The following SCRIB variants were observed in gnomAD, a reference collection of about 807,000 sequenced individuals.
The protein encoded by SCRIB is protein scribble homolog.
SCRIB carries 72 observed loss-of-function variants against 170.0 expected under a neutral mutation model. The observed-to-expected ratio is 0.42, with a 90% CI of 0.35 to 0.52. The LOEUF is 0.52. Ranked by LOEUF, SCRIB falls within the 20% of genes least tolerant of loss-of-function variation. SCRIB has a pLI of 0.02. For missense variants in SCRIB, 2,475 were observed against 2,338.5 expected (o/e 1.06, Z -1.20); for synonymous variants, 1,298 against 1,044.3 (o/e 1.24, Z -4.68).
intron 24 of SCRIB, among the ~76,000 whole-genome samples, chr8:143,797,930 C>G (rs1325674761): frequency 1.3e-5 from 2 of 152,220 alleles, no homozygotes; most frequent in African/African-American, 4.8e-5. Flanking sequence ...CAACTTTTCT[C>G]TAAGTTTAAA....
chr8:143,794,932 C>T (rs1814874502), intron 27 of SCRIB, 106 bp downstream of exon 27: 1 of 1,139,260 alleles, frequency 8.8e-7, no homozygotes, highest in Non-Finnish European at 1.3e-6. Context: ...CCACCCCAGC[C>T]CCCGCCCAAA....
rs745922541 is a variant in SCRIB, at chr8:143,808,835, TGCA to T, written c.1886_1888del (p.Leu629del). The stretch of plus-strand genomic sequence containing the variant: ...GCCCTCCCCATCAGGCTGCATGCCC[TGCA>T]GCAGAGCCACAACGGCCTCGGGCTG... On this transcript the variant is annotated inframe_deletion, in exon 15 of 37. Coordinates refer to ENST00000356994, the MANE Select transcript of SCRIB (RefSeq NM_182706.5). The T allele has an allele frequency of 5.6e-6, 9 of 1,611,510 alleles. No homozygotes were observed. The highest frequency in any genetic ancestry group is 7.6e-6 in the Non-Finnish European group (9 of 1,179,830).
At chr8:143,806,624 T>C in intron 17 of SCRIB, 140 bp from the exon 18 acceptor site, 1 of 704,512 alleles carries the variant, frequency 1.4e-6, no homozygotes, top group South Asian at 1.8e-5. Context: ...CTCTAGCCAC[T>C]GTGGGATCCT....
In SCRIB at chr8:143,803,453, C is replaced by A. The variant is rs782414337; in HGVS notation, c.3533G>T (p.Arg1178Leu). The change falls in exon 24 of 37, where the codon CGC (arginine) becomes CTC (leucine). Residue 1178 changes from arginine (R) to leucine (L), a missense_variant. Arg to Leu is a moderately radical substitution (Grantham distance 102). Transcript: ENST00000356994. The stretch of plus-strand genomic sequence containing the variant: ...CACGGTGAGGGTGTCGCCCACACTG[C>A]GGAGCAGCTGCACCGCCTCGCCGTG... ...LTHGEAVQLL[R>L]SVGDTLTVLV... The A allele has an allele frequency of 2.5e-6, 4 of 1,597,602 alleles. No homozygotes were observed. The highest frequency in any genetic ancestry group is 3.4e-6 in the Non-Finnish European group (4 of 1,178,170).
chr8:143,795,088 G>A lies in SCRIB; in HGVS notation c.3796C>T (p.Leu1266=), dbSNP rs782437686. 1.2e-6 allele frequency: 2 copies of A among 1,611,432 alleles called. No individual in the cohort carries two copies. Among genetic ancestry groups the A allele is most frequent in the Non-Finnish European group, 8.5e-7 (1 of 1,179,312 alleles). The change falls in exon 27 of 37, where the codon CTG becomes TTG. Residue 1266 remains leucine (L), a synonymous_variant. Coordinates refer to ENST00000356994, the MANE Select transcript of SCRIB (RefSeq NM_182706.5). ...ACGGCGGCCAGGGCGCGGTAGTCCA[G>A]CTTCAGGGGCTGCAGACCCCGACCC... ...AAGRGLQPLK[L]DYRALAAVPS... is the part of the protein sequence containing the mutation.
At chr8:143,802,132 G>A (rs1554635085) in intron 24 of SCRIB, among the ~76,000 whole-genome samples, 1 of 152,246 alleles carries the variant, frequency 6.6e-6, no homozygotes, top group African/African-American at 2.4e-5. Flanking sequence ...AGATGGTCCA[G>A]AGCTCGAGTC....
Position 143,815,357 on chromosome 8 carries a change from G to C in SCRIB, c.16C>G (p.Pro6Ala), listed in dbSNP as rs1423345583. 1.5e-5 allele frequency: 23 copies of C among 1,530,926 alleles called. No homozygotes were observed. Among genetic ancestry groups the C allele is most frequent in the Non-Finnish European group, 2.0e-5 (23 of 1,138,260 alleles). The allele number at this position is 1,530,926 out of a possible 1,614,324, so 94.8% of individuals were successfully genotyped here. The change falls in exon 1 of 37, where the codon CCG becomes GCG. Residue 6 changes from proline to alanine, a missense_variant. This residue lies in a region of SCRIB where 487 missense variants were observed against 558.1 expected (regional missense o/e 0.87). Coordinates refer to ENST00000356994, the MANE Select transcript of SCRIB (RefSeq NM_182706.5). ...ACGTGCCGGTTGCAGCGCCACAGCGGGATGCACTTGAGCATGGTGCGGGTG... is the reference window on the plus strand; with the variant it reads ...ACGTGCCGGTTGCAGCGCCACAGCGCGATGCACTTGAGCATGGTGCGGGTG... MLKCI[P>A]LWRCNRHVES... is the part of the protein sequence containing the mutation.
rs768999411 is a variant in SCRIB at position 143,813,096 on chromosome 8, A to G, written c.576T>C (p.Thr192=). Residue 192 remains threonine (T), a synonymous_variant, in exon 7 of 37, where the codon ACT becomes ACC. Transcript: ENST00000356994. ...CCCGAAGATTGGGCAGAGCCCCCAG[A>G]GTGTCTGGCTGCAAGAAGGAACAGA... The part of the protein sequence containing the change: ...GGNDLEVLPD[T]LGALPNLREL... The G allele has an allele frequency of 1.3e-6, 2 of 1,578,220 alleles. No individual in the cohort carries two copies. Among genetic ancestry groups the G allele is most frequent in the Admixed American group, 3.7e-5 (2 of 53,730 alleles).
Position 143,795,508 on chromosome 8 carries a change from T to C in SCRIB, c.3626A>G (p.Asn1209Ser). 1 of 1,612,338 alleles carries C rather than the reference T, an allele frequency of 6.2e-7. No individual in the cohort carries two copies. Among genetic ancestry groups the C allele is most frequent in the African/African-American group, 1.3e-5 (1 of 74,764 alleles). The change falls in exon 25 of 37, where the codon AAC becomes AGC. Residue 1209 changes from asparagine to serine, a missense_variant. Transcript: ENST00000356994. ...GTGGCCGATGCCTGCCGCAAAGGGG[T>C]TGGCAATGACACCTGGGGACACCTG... ...ALEVSPGVIA[N>S]PFAAGIGHRN... is the part of the protein sequence containing the mutation.
Position 143,811,071 on chromosome 8 carries a change from G to A in SCRIB, c.1108C>T (p.Leu370=), listed in dbSNP as rs1318308647. Residue 370 remains leucine, a splice_region_variant and synonymous_variant, in exon 11 of 37, where the codon CTG becomes TTG. Transcript: ENST00000356994. The part of the protein sequence containing the change: ...LHVLDVAGNR[L]QSLPFALTHL... ...GTGAGCGCGAACGGCAGACTCTGCA[G>A]GCTGCGGGCCGGGCGGGCACAGTCA... 1.9e-6 allele frequency: 3 copies of A among 1,611,172 alleles called. No individual in the cohort carries two copies. Among genetic ancestry groups the A allele is most frequent in the South Asian group, 2.2e-5 (2 of 90,840 alleles).
rs1815290934 is a variant in SCRIB at position 143,803,956 on chromosome 8, G to A, written c.3121-16C>T. Reference sequence around the variant, plus strand: ...GCGGGAGCACCTGTCAGGGAGGAGGGTGGCAGCTGGTGGCTGAGGCCGCGC... The same window carrying A: ...GCGGGAGCACCTGTCAGGGAGGAGGATGGCAGCTGGTGGCTGAGGCCGCGC... On this transcript the variant is annotated splice_polypyrimidine_tract_variant and intron_variant, in intron 22 of 36. Coordinates refer to ENST00000356994, the MANE Select transcript of SCRIB (RefSeq NM_182706.5). 1.9e-6 allele frequency: 3 copies of A among 1,571,824 alleles called. No individual in the cohort carries two copies. Among genetic ancestry groups the A allele is most frequent in the Admixed American group, 1.9e-5 (1 of 53,916 alleles).
intron 14 of SCRIB, 139 bp from the exon 15 acceptor site, chr8:143,809,164 G>A (rs1815585256): frequency 2.6e-6 from 3 of 1,158,356 alleles, no homozygotes; most frequent in Non-Finnish European, 3.6e-6. Context: ...TGCCCAGTGA[G>A]GGGCGCGTGT....
intron 24 of SCRIB, among the ~76,000 whole-genome samples, chr8:143,796,867 G>A (rs943611883): frequency 6.6e-6 from 1 of 152,192 alleles, no homozygotes; most frequent in Non-Finnish European, 1.5e-5. Flanking sequence ...AGAGAGAGCT[G>A]TTCAAACACA....
rs377531130 is a variant in SCRIB at position 143,795,076 on chromosome 8, C to T, written c.3808G>A (p.Ala1270Thr). The change falls in exon 27 of 37, where the codon GCC (alanine) becomes ACC (threonine). Residue 1270 changes from alanine to threonine, a missense_variant. Around this residue, in one of 3 missense-constraint regions of SCRIB, gnomAD observed 1,966 missense variants for 1,742.9 expected, o/e 1.13. Coordinates refer to ENST00000356994, the MANE Select transcript of SCRIB (RefSeq NM_182706.5). ...CCAGCGCTGGGCACGGCGGCCAGGG[C>T]GCGGTAGTCCAGCTTCAGGGGCTGC... is the stretch of plus-strand genomic sequence containing the variant. ...GLQPLKLDYR[A>T]LAAVPSAGSV... 12 of 1,611,142 alleles carry T rather than the reference C, an allele frequency of 7.4e-6. No individual in the cohort carries two copies. Among genetic ancestry groups the T allele is most frequent in the African/African-American group, 2.7e-5 (2 of 74,898 alleles).
chr8:143,810,996 T>C lies in SCRIB; in HGVS notation c.1183A>G (p.Met395Val), dbSNP rs750792797. The change falls in exon 11 of 37, where the codon ATG becomes GTG. Residue 395 changes from methionine to valine, a missense_variant. Coordinates refer to ENST00000356994, the MANE Select transcript of SCRIB (RefSeq NM_182706.5). Reference protein sequence around the residue: ...LWLAENQAQPMLRFQTEDDAR... With the variant: ...LWLAENQAQPVLRFQTEDDAR... Reference sequence around the variant, plus strand: ...TCATCCTCCGTCTGGAACCGGAGCATGGGCTGCGCCTGGTTCTCTGCCAGC... The same window carrying C: ...TCATCCTCCGTCTGGAACCGGAGCACGGGCTGCGCCTGGTTCTCTGCCAGC... 3.1e-6 allele frequency: 5 copies of C among 1,611,556 alleles called. No homozygotes were observed. The highest frequency in any genetic ancestry group is 3.4e-6 in the Non-Finnish European group (4 of 1,179,380).
Position 143,791,077 on chromosome 8 carries a change from A to G in SCRIB, c.*86T>C. On this transcript the variant is annotated 3_prime_UTR_variant, in exon 37 of 37. Transcript: ENST00000356994. ...TCCTGTGGGGTCTCTTTAAAATGCT[A>G]ACACCCAGGTTAAAAGACTTGGGGC... is the stretch of plus-strand genomic sequence containing the variant. 1 of 1,314,828 alleles carries G rather than the reference A, an allele frequency of 7.6e-7. No homozygotes were observed. The allele number at this position is 1,314,828 out of a possible 1,614,324, so 81.4% of individuals were successfully genotyped here.
intron 16 of SCRIB, 81 bp downstream of exon 16, chr8:143,807,471 G>A (rs966739590): frequency 3.9e-5 from 43 of 1,106,492 alleles, no homozygotes; most frequent in Non-Finnish European, 6.0e-5. Flanking sequence ...AAGCAACAGG[G>A]GCGGGGAGAG....
intron 24 of SCRIB, among the ~76,000 whole-genome samples, chr8:143,797,630 CGTG>C (rs1814998225): frequency 6.6e-6 from 1 of 152,220 alleles, no homozygotes; most frequent in African/African-American, 2.4e-5. Flanking sequence ...CACACAGACA[CGTG>C]GTAGCTCCAT....
intron 8 of SCRIB, 92 bp from the exon 9 acceptor site, chr8:143,812,476 A>G: frequency 1.1e-6 from 1 of 947,484 alleles, no homozygotes; most frequent in Non-Finnish European, 1.7e-6. Flanking sequence ...GCAGACAGCA[A>G]GGCCCCCAGC....
Sources: gnomAD v4.1 joint callset for allele counts (sites outside exome capture counted in the v4.1 genomes callset) on GRCh38, gnomAD v4.1.1 for gene constraint, gnomAD v4.1.1 regional missense constraint, MANE v1.5 for transcripts, NCBI Gene and HGNC (gene_info 2026-07-23, HGNC 2026-07-21) for gene names.